Variants in TTC34 observed in about 807,000 individuals in gnomAD.
TTC34 encodes the protein tetratricopeptide repeat protein 34.
TTC34 carries 44 observed loss-of-function variants against 40.7 expected under a neutral mutation model. The ratio of observed to expected loss-of-function variants is 1.08; its 90% CI spans 0.85 to 1.39. The LOEUF (loss-of-function observed/expected upper bound fraction) is 1.39. TTC34 is among the 40% of genes most tolerant of loss of function. The pLI is 0.00. For synonymous variants in TTC34, 422 were observed against 398.6 expected (o/e 1.06, Z -0.70); for missense variants, 884 against 838.0 (o/e 1.05, Z -0.68).
chr1:2,683,593 ACT>A (rs1640181404), intron 6 of TTC34, among the ~76,000 whole-genome samples: 1 of 21,086 alleles, frequency 4.7e-5, no homozygotes, highest in South Asian at 1.4e-3. Flanking sequence ...GCACCCACAC[ACT>A]CAGGCGAGCA....
chr1:2,749,891 G>A (rs1641260575), intron 6 of TTC34, among the ~76,000 whole-genome samples: 1 of 136,782 alleles, frequency 7.3e-6, no homozygotes, highest in African/African-American at 2.9e-5. Flanking sequence ...ACACCCCCAG[G>A]CGAGCATCTG....
intron 6 of TTC34, among the ~76,000 whole-genome samples, chr1:2,684,104 C>A (rs1489556836): frequency 6.6e-6 from 1 of 152,248 alleles, no homozygotes; most frequent in African/African-American, 2.4e-5. Context: ...TAGCCTGGAG[C>A]AGCACCCACA....
chr1:2,656,332 A>T (rs1639343128), intron 6 of TTC34, among the ~76,000 whole-genome samples: 1 of 139,322 alleles, frequency 7.2e-6, no homozygotes, highest in Non-Finnish European at 1.5e-5. Flanking sequence ...AACAGCACTC[A>T]CACCCCCAGG....
chr1:2,694,562 C>A (rs1327339067), intron 6 of TTC34, among the ~76,000 whole-genome samples: 2 of 106,762 alleles, frequency 1.9e-5, no homozygotes, highest in Admixed American at 1.7e-4. Flanking sequence ...CACAGGTGAG[C>A]ATCTGACAGC....
intron 6 of TTC34, among the ~76,000 whole-genome samples, chr1:2,654,867 T>C (rs1162262806): frequency 6.9e-6 from 1 of 144,566 alleles, no homozygotes; most frequent in Non-Finnish European, 1.5e-5. Flanking sequence ...CGAGTGAGGA[T>C]CAGACAGCCT....
At position 2,645,790 on chromosome 1, in the gene TTC34, A is replaced by G. The variant is rs1198490307; in HGVS notation, c.2227-227T>C. ...GCATTTGAGGGGACTCAGCTCACTG[A>G]CCTTGACTCTGAAAGTTGTCAGGCT... On this transcript the variant is annotated intron_variant, in intron 6 of 8. Coordinates refer to ENST00000401095, the Ensembl canonical transcript of TTC34. The surrounding 1 kb of genome is among the most constrained non-coding windows in gnomAD (Gnocchi z 4.7). 6.6e-6 allele frequency among the ~76,000 whole-genome samples: 1 copy of G among 151,996 alleles called. No individual in the cohort carries two copies. The highest frequency in any genetic ancestry group is 6.6e-5 in the Admixed American group (1 of 15,264).
intron 6 of TTC34, among the ~76,000 whole-genome samples, chr1:2,685,827 C>A (rs564046207): frequency 6.7e-5 from 2 of 29,704 alleles, no homozygotes; most frequent in African/African-American, 1.4e-4. Context: ...CAGACTGGAA[C>A]GGCACCCCCA....
intron 6 of TTC34, among the ~76,000 whole-genome samples, chr1:2,649,379 A>G (rs773078410): frequency 6.6e-6 from 1 of 151,968 alleles, no homozygotes; most frequent in Admixed American, 6.6e-5. Flanking sequence ...GAGAATCTGA[A>G]TGCCTGGATC....
intron 6 of TTC34, among the ~76,000 whole-genome samples, chr1:2,775,816 G>A (rs1339503205): frequency 6.8e-6 from 1 of 146,160 alleles, no homozygotes; most frequent in African/African-American, 2.7e-5. Context: ...TGACAGCCTG[G>A]AGCAGCAGTG....
intron 6 of TTC34, among the ~76,000 whole-genome samples, chr1:2,753,141 G>T (rs1641382261): frequency 7.9e-6 from 1 of 125,822 alleles, no homozygotes; most frequent in African/African-American, 3.3e-5. Flanking sequence ...AAAACCCCAG[G>T]TGAGCATCTG....
chr1:2,675,506 GCAACA>G (rs1639876278), intron 6 of TTC34, among the ~76,000 whole-genome samples: 1 of 110,756 alleles, frequency 9.0e-6, no homozygotes, highest in African/African-American at 3.1e-5. Flanking sequence ...CTGACAGCCT[GCAACA>G]GCACCCTGCA....
chr1:2,778,763 A>T (rs553168285), intron 6 of TTC34, among the ~76,000 whole-genome samples: 194 of 40,580 alleles, frequency 4.8e-3, no homozygotes, highest in African/African-American at 0.019. Flanking sequence ...ATAACGTAAA[A>T]TTTACCATCT....
chr1:2,792,933 A>G (rs1415370377), intron 2 of TTC34, among the ~76,000 whole-genome samples: 2 of 152,244 alleles, frequency 1.3e-5, no homozygotes, highest in Non-Finnish European at 1.5e-5. Flanking sequence ...AGGGTCAGCT[A>G]CTAGTTTCTG....
chr1:2,778,667 T>A (rs554227771), intron 6 of TTC34, among the ~76,000 whole-genome samples: 1 of 152,204 alleles, frequency 6.6e-6, no homozygotes, highest in Non-Finnish European at 1.5e-5. Context: ...CCTGGGCATA[T>A]CCCCAGGGTG....
chr1:2,682,052 A>G (rs867068660), intron 6 of TTC34, among the ~76,000 whole-genome samples: 1 of 103,524 alleles, frequency 9.7e-6, no homozygotes. Flanking sequence ...GACATTGTGG[A>G]GCAGCACCCC....
At chr1:2,751,786 A>G (rs1265817265) in intron 6 of TTC34, among the ~76,000 whole-genome samples, 5 of 140,060 alleles carry the variant, frequency 3.6e-5, no homozygotes, top group African/African-American at 1.4e-4. Context: ...TGAGCATCTG[A>G]CAGCCTGGAG....
At chr1:2,699,525 C>T (rs1048426645) in intron 6 of TTC34, among the ~76,000 whole-genome samples, 1 of 131,602 alleles carries the variant, frequency 7.6e-6, no homozygotes, top group Non-Finnish European at 1.7e-5. Context: ...CCTGGAACAC[C>T]ACCCACATCC....
At chr1:2,756,543 C>CT in intron 6 of TTC34, among the ~76,000 whole-genome samples, 1 of 135,826 alleles carries the variant, frequency 7.4e-6, no homozygotes, top group African/African-American at 2.8e-5. Flanking sequence ...GAGCAGCACC[C>CT]ACACTCCAGG....
intron 8 of TTC34, among the ~76,000 whole-genome samples, chr1:2,643,224 G>C (rs1038912402): frequency 2.0e-5 from 3 of 152,236 alleles, no homozygotes; most frequent in Admixed American, 6.5e-5. Flanking sequence ...GGAGGGGGCC[G>C]CCTGCCGAGG....
Sources: allele counts gnomAD v4.1 joint callset (sites outside exome capture counted in the v4.1 genomes callset), GRCh38; gene constraint gnomAD v4.1.1; non-coding constraint Gnocchi (gnomAD v3.1); transcripts MANE v1.5; gene names NCBI Gene and HGNC (gene_info 2026-07-23, HGNC 2026-07-21).